B3GALT1: variants seen among roughly 807,000 people sequenced by gnomAD.
B3GALT1 encodes beta-1,3-galactosyltransferase 1.
A neutral mutation model predicts 23.2 loss-of-function variants in B3GALT1; 10 were observed. The ratio of observed to expected loss-of-function variants is 0.43; its 90% CI spans 0.27 to 0.73. B3GALT1 has a LOEUF of 0.73. Ranked by LOEUF, B3GALT1 falls within the 30% of genes least tolerant of loss-of-function variation. B3GALT1 has a pLI of 0.21. For missense variants in B3GALT1, 299 were observed against 405.4 expected, an observed-to-expected ratio of 0.74 and a Z score of 2.25; for synonymous variants, 156 against 141.5, an observed-to-expected ratio of 1.10 and a Z score of -0.73.
At chr2:167,319,678 T>C (rs193255373) in intron 1 of B3GALT1, among the ~76,000 whole-genome samples, 10 of 152,202 alleles carry the variant, frequency 6.6e-5, no homozygotes, top group Admixed American at 3.3e-4. Flanking sequence ...AACATTTTAT[T>C]ATTTAAAAGA....
chr2:167,556,269 A>G (rs760128425), intron 2 of B3GALT1, among the ~76,000 whole-genome samples: 2 of 152,158 alleles, frequency 1.3e-5, no homozygotes, highest in East Asian at 1.9e-4. Context: ...TGCTGTAACT[A>G]TGATGCTTAA....
chr2:167,813,139 AAC>A (rs777108818), intron 3 of B3GALT1, among the ~76,000 whole-genome samples: 4 of 152,186 alleles, frequency 2.6e-5, no homozygotes, highest in Non-Finnish European at 4.4e-5. Context: ...TACAGAAAAT[AAC>A]ACAGTTTTTT....
At chr2:167,369,995 T>G (rs1191221880) in intron 1 of B3GALT1, among the ~76,000 whole-genome samples, 1 of 152,202 alleles carries the variant, frequency 6.6e-6, no homozygotes, top group Non-Finnish European at 1.5e-5. Flanking sequence ...TTACTGACAC[T>G]TGGTAATATT....
chr2:167,722,590 C>A (rs763191348), intron 3 of B3GALT1, among the ~76,000 whole-genome samples: 9 of 152,106 alleles, frequency 5.9e-5, no homozygotes, highest in Non-Finnish European at 1.2e-4. Flanking sequence ...ATCCTTAATA[C>A]CACTGAAGCC....
intron 1 of B3GALT1, among the ~76,000 whole-genome samples, chr2:167,409,991 A>C (rs1394964001): frequency 6.6e-6 from 1 of 152,210 alleles, no homozygotes; most frequent in Non-Finnish European, 1.5e-5. Context: ...TATTTATTGC[A>C]GCACTATTTA....
At chr2:167,381,035 AAAAAC>A in intron 1 of B3GALT1, among the ~76,000 whole-genome samples, 3 of 152,272 alleles carry the variant, frequency 2.0e-5, no homozygotes, top group African/African-American at 7.2e-5. Context: ...ATCGTGGGGA[AAAAAC>A]AAAACAAAAT....
At chr2:167,715,708 C>T in intron 3 of B3GALT1, 1 of 1,613,254 alleles carries the variant, frequency 6.2e-7, no homozygotes, top group Non-Finnish European at 8.5e-7. Context: ...CTGCTGCCGC[C>T]TTCTCAAAGC....
chr2:167,776,580 C>G (rs1442491597), intron 3 of B3GALT1, among the ~76,000 whole-genome samples: 1 of 149,328 alleles, frequency 6.7e-6, no homozygotes, highest in African/African-American at 2.5e-5. Flanking sequence ...TAGATGTGGA[C>G]TAACGAGGAG....
intron 1 of B3GALT1, among the ~76,000 whole-genome samples, chr2:167,389,408 C>T (rs1349892370): frequency 6.6e-6 from 1 of 152,102 alleles, no homozygotes; most frequent in African/African-American, 2.4e-5. Flanking sequence ...TTTGTCATTT[C>T]AATGTGGGTA....
intron 2 of B3GALT1, among the ~76,000 whole-genome samples, chr2:167,543,649 C>CTTA (rs1449048554): frequency 2.0e-5 from 3 of 152,062 alleles, no homozygotes; most frequent in Non-Finnish European, 4.4e-5. Flanking sequence ...GAATATGAAG[C>CTTA]TTATTATCAT....
At position 167,355,183 on chromosome 2, in the gene B3GALT1, A is replaced by G. The variant is rs79039028; in HGVS notation, c.-511+61849A>G. Among the ~76,000 whole-genome samples, 119 of 152,320 alleles carry G rather than the reference A, an allele frequency of 7.8e-4. 2 individuals are homozygous for G. In the East Asian group the frequency reaches 0.022, roughly 28 times the overall value. Reference sequence around the variant, plus strand: ...GTTTCTTTACCTCTTTCTCTTTTCAACATGTCTCAGGATGATGATGCATTT... The same window carrying G: ...GTTTCTTTACCTCTTTCTCTTTTCAGCATGTCTCAGGATGATGATGCATTT... On this transcript the variant is annotated intron_variant, in intron 1 of 4. Transcript: ENST00000392690.
chr2:167,400,259 CAT>C (rs1299779203), intron 1 of B3GALT1, among the ~76,000 whole-genome samples: 1 of 150,946 alleles, frequency 6.6e-6, no homozygotes, highest in Non-Finnish European at 1.5e-5. Flanking sequence ...CTAGGTGAGC[CAT>C]TTCAATCTAA....
intron 2 of B3GALT1, among the ~76,000 whole-genome samples, chr2:167,538,301 C>A (rs942191660): frequency 6.6e-6 from 1 of 152,174 alleles, no homozygotes; most frequent in Non-Finnish European, 1.5e-5. Context: ...GAGTAAATTA[C>A]ACACATGCAT....
rs115241824 is a variant in B3GALT1, at chr2:167,502,114, A to G, written c.-410+11837A>G. 1.1e-3 allele frequency among the ~76,000 whole-genome samples: 173 copies of G among 152,336 alleles called. 1 individual carries two copies. The highest frequency in any genetic ancestry group is 4.0e-3 in the African/African-American group (168 of 41,582). On this transcript the variant is annotated intron_variant, in intron 2 of 4. Transcript: ENST00000392690. ...AAAGTTTCCTGAAAGGCACTGGACAAGCTATTAAAAGTTTACATTTTAGTA... is the reference window on the plus strand; with the variant it reads ...AAAGTTTCCTGAAAGGCACTGGACAGGCTATTAAAAGTTTACATTTTAGTA...
chr2:167,351,795 T>G (rs1697312445), intron 1 of B3GALT1, among the ~76,000 whole-genome samples: 2 of 152,228 alleles, frequency 1.3e-5, no homozygotes, highest in Admixed American at 1.3e-4. Flanking sequence ...TGTTCTCATC[T>G]AAGTTTACTA....
At chr2:167,416,751 C>T (rs763699977) in intron 1 of B3GALT1, among the ~76,000 whole-genome samples, 3 of 152,152 alleles carry the variant, frequency 2.0e-5, no homozygotes, top group Non-Finnish European at 4.4e-5. Flanking sequence ...CTACCTGAAG[C>T]CTTGGGTCCC....
At position 167,356,747 on chromosome 2, in the gene B3GALT1, A is replaced by ATACATATATG. The variant is rs1311422411; in HGVS notation, c.-511+63418_-511+63427dup. Among the ~76,000 whole-genome samples, 3 of 152,096 alleles carry ATACATATATG rather than the reference A, an allele frequency of 2.0e-5. No individual in the cohort carries two copies. In the East Asian group the frequency reaches 5.8e-4, roughly 29 times the overall value. ...AAGTAAAATCTAAATAGTGACATAT[A>ATACATATATG]TACATATATGTACACACACATATAG... On this transcript the variant is annotated intron_variant, in intron 1 of 4. Transcript: ENST00000392690.
At chr2:167,324,110 A>G (rs1696854128) in intron 1 of B3GALT1, among the ~76,000 whole-genome samples, 1 of 152,040 alleles carries the variant, frequency 6.6e-6, no homozygotes, top group African/African-American at 2.4e-5. Context: ...ATTTGGCTAC[A>G]TTATTCTGGT....
chr2:167,578,708 A>T (rs1331654322), intron 2 of B3GALT1, among the ~76,000 whole-genome samples: 2 of 152,002 alleles, frequency 1.3e-5, no homozygotes, highest in Admixed American at 1.3e-4. Context: ...ACAGGTAAAG[A>T]AACAAAAATA....
Sources: gnomAD v4.1 joint callset for allele counts (sites outside exome capture counted in the v4.1 genomes callset) on GRCh38, gnomAD v4.1.1 for gene constraint, MANE v1.5 for transcripts, NCBI Gene and HGNC (gene_info 2026-07-23, HGNC 2026-07-21) for gene names.